DHX57: variants seen among roughly 807,000 people sequenced by gnomAD.
DHX57 encodes putative ATP-dependent RNA helicase DHX57.
In DHX57, 105 loss-of-function variants were observed where a neutral mutation model predicts 156.2. The ratio of observed to expected loss-of-function variants is 0.67; its 90% CI spans 0.57 to 0.79. The LOEUF (loss-of-function observed/expected upper bound fraction) is 0.79. Among genes scored for constraint, DHX57 ranks in the 30% least tolerant of loss-of-function variants. DHX57 has a pLI of 0.00. For missense variants in DHX57, 1,847 were observed against 1,661.9 expected, an observed-to-expected ratio of 1.11 and a Z score of -1.94; for synonymous variants, 704 against 595.6, an observed-to-expected ratio of 1.18 and a Z score of -2.65.
intron 22 of DHX57, among the ~76,000 whole-genome samples, chr2:38,805,385 A>C (rs1199633480): frequency 6.6e-6 from 1 of 152,210 alleles, no homozygotes; most frequent in Non-Finnish European, 1.5e-5. Flanking sequence ...AGTGTGTGGT[A>C]CACTCTGGAT....
intron 2 of DHX57, among the ~76,000 whole-genome samples, chr2:38,864,953 G>A (rs1314532388): frequency 6.6e-6 from 1 of 152,090 alleles, no homozygotes; most frequent in African/African-American, 2.4e-5. Context: ...CCTACCAGAA[G>A]CATTTTTCCA....
intron 13 of DHX57, among the ~76,000 whole-genome samples, chr2:38,830,663 C>T (rs1251623495): frequency 1.3e-5 from 2 of 151,864 alleles, no homozygotes; most frequent in South Asian, 2.1e-4. Context: ...ACTAGTACCC[C>T]TACTAGTGAC....
chr2:38,868,261 C>T lies in DHX57; in HGVS notation c.145G>A (p.Gly49Ser), dbSNP rs61757604. 20,546 of 1,613,988 alleles carry T rather than the reference C, an allele frequency of 0.013. 176 individuals are homozygous for T. The highest frequency in any genetic ancestry group is 0.019 in the South Asian group (1,765 of 91,076). ...GGGGGGGGGG[G>S]NRKASSRIWD... ...ATTCTACTGGAGGCCTTTCTGTTGC[C>T]GCCACCTCCACCACCACCACCACCG... The change falls in exon 2 of 24, where the codon GGC (glycine) becomes AGC (serine). Residue 49 changes from glycine (G) to serine (S), a missense_variant. By Grantham distance (56) the Gly-to-Ser change is moderately conservative. Coordinates refer to ENST00000457308, the MANE Select transcript of DHX57 (RefSeq NM_198963.3).
intron 21 of DHX57, chr2:38,810,443 A>C (rs1203539667): frequency 1.9e-6 from 1 of 530,832 alleles, no homozygotes; most frequent in Non-Finnish European, 3.7e-6. Context: ...TCTATTTGGC[A>C]GTGACCTTGC....
intron 21 of DHX57, chr2:38,810,729 T>C: frequency 1.2e-6 from 1 of 816,000 alleles, no homozygotes; most frequent in Admixed American, 1.7e-5. Flanking sequence ...ACTCAGCAAA[T>C]TTCAAGCCCA....
At chr2:38,836,973 C>G (rs1671704767) in intron 13 of DHX57, among the ~76,000 whole-genome samples, 1 of 151,974 alleles carries the variant, frequency 6.6e-6, no homozygotes, top group Admixed American at 6.6e-5. Context: ...CCACTCCAAC[C>G]CCTTGCTGGG....
chr2:38,806,510 C>A, intron 22 of DHX57, 49 bp downstream of exon 22: 1 of 1,594,498 alleles, frequency 6.3e-7, no homozygotes, highest in Non-Finnish European at 8.6e-7. Context: ...AATTGCATTT[C>A]CTACCCCAGG....
In DHX57 at chr2:38,819,097, T is replaced by C. The variant is rs376142924; in HGVS notation, c.3339A>G (p.Glu1113=). The C allele has an allele frequency of 1.4e-5, 22 of 1,614,114 alleles. No homozygotes were observed. The African/African-American group carries it at 2.9e-4, about 22-fold the overall frequency. Residue 1113 remains glutamate (E), a synonymous_variant, in exon 18 of 24, where the codon GAA becomes GAG. Transcript: ENST00000457308. ...GATAATCACTGTTTGCGAATGCAAA[T>C]TCCAGCTTTTTCTGGTTAGCTTCTT... ...KKEEANQKKL[E]FAFANSDYLA...
chr2:38,857,414 G>A (rs1489560346), intron 6 of DHX57, among the ~76,000 whole-genome samples: 2 of 152,122 alleles, frequency 1.3e-5, no homozygotes, highest in African/African-American at 2.4e-5. Context: ...TTTGAATACT[G>A]TAATAAATTT....
chr2:38,863,469 G>C lies in DHX57; in HGVS notation c.275C>G (p.Pro92Arg). The change falls in exon 3 of 24, where the codon CCC (proline) becomes CGC (arginine). Residue 92 changes from proline (P) to arginine (R), a missense_variant. By Grantham distance (103) the Pro-to-Arg change is moderately radical. Transcript: ENST00000457308. Reference sequence around the variant, plus strand: ...AGTCTGAAGGGGTACTTTGGCTTTGGGTTTCCATTTTGGGCGTGACTCTCC... The same window carrying C: ...AGTCTGAAGGGGTACTTTGGCTTTGCGTTTCCATTTTGGGCGTGACTCTCC... ...SKGESRPKWK[P>R]KAKVPLQTLH... is the part of the protein sequence containing the mutation. 1 of 1,613,886 alleles carries C rather than the reference G, an allele frequency of 6.2e-7. No individual in the cohort carries two copies. The highest frequency in any genetic ancestry group is 8.5e-7 in the Non-Finnish European group (1 of 1,179,974).
intron 14 of DHX57, among the ~76,000 whole-genome samples, chr2:38,827,503 A>AT (rs1342668875): frequency 1.1e-3 from 21 of 18,538 alleles, no homozygotes; most frequent in South Asian, 8.5e-3. Context: ...AAAAAAAAAA[A>AT]AAATATATAT....
intron 2 of DHX57, among the ~76,000 whole-genome samples, chr2:38,864,813 T>C (rs1484243045): frequency 6.6e-6 from 1 of 152,168 alleles, no homozygotes; most frequent in Non-Finnish European, 1.5e-5. Flanking sequence ...CTGTCTCCAT[T>C]TTCTTTCCTC....
In DHX57 at chr2:38,863,343, T is replaced by A. The variant is rs764364380; in HGVS notation, c.383+18A>T. ...TGTTTTCCTTAATATAATAATTGAC[T>A]CAAATAAAACAATTTACTCAGATCC... is the stretch of plus-strand genomic sequence containing the variant. On this transcript the variant is annotated intron_variant, in intron 3 of 23. Transcript: ENST00000457308. 4 of 1,600,788 alleles carry A rather than the reference T, an allele frequency of 2.5e-6. No individual in the cohort carries two copies. The highest frequency in any genetic ancestry group is 1.7e-4 in the Middle Eastern group (1 of 5,960).
At chr2:38,812,860 G>GTTTGTTTGTTTC in intron 21 of DHX57, among the ~76,000 whole-genome samples, 1 of 150,914 alleles carries the variant, frequency 6.6e-6, no homozygotes, top group Admixed American at 6.6e-5. Context: ...TTGTTTGTTT[G>GTTTGTTTGTTTC]TTTTTGAGAC....
intron 9 of DHX57, 40 bp downstream of exon 9, chr2:38,854,014 T>A (rs771680837): frequency 1.3e-6 from 2 of 1,561,006 alleles, no homozygotes; most frequent in Admixed American, 3.8e-5. Context: ...TGCCTTCAAT[T>A]CAGGTGAGTG....
At chr2:38,835,008 A>G (rs1386947422) in intron 13 of DHX57, among the ~76,000 whole-genome samples, 13 of 152,210 alleles carry the variant, frequency 8.5e-5, no homozygotes, top group Admixed American at 8.5e-4. Flanking sequence ...AAGCTGGGAA[A>G]TTTAATGCCA....
At chr2:38,849,542 T>C (rs1444935838) in intron 9 of DHX57, among the ~76,000 whole-genome samples, 2 of 36,196 alleles carry the variant, frequency 5.5e-5, no homozygotes, top group Non-Finnish European at 9.8e-5. Context: ...CAAGACCCCA[T>C]CTCTTAAAAA....
Position 38,815,255 on chromosome 2 carries a change from G to A in DHX57, c.3606+266C>T, listed in dbSNP as rs185637101. Reference sequence around the variant, plus strand: ...GCTAATTTTTTTGTAGAGAGATGAGGGATTTCACCATGTTGCTCTGGCTGG... The same window carrying A: ...GCTAATTTTTTTGTAGAGAGATGAGAGATTTCACCATGTTGCTCTGGCTGG... On this transcript the variant is annotated intron_variant, in intron 20 of 23. Transcript: ENST00000457308. 4.6e-5 allele frequency among the ~76,000 whole-genome samples: 7 copies of A among 151,562 alleles called. No homozygotes were observed. In the East Asian group the frequency reaches 1.4e-3, roughly 30 times the overall value.
chr2:38,861,536 C>G lies in DHX57; in HGVS notation c.874G>C (p.Glu292Gln). The change falls in exon 5 of 24, where the codon GAA (glutamate) becomes CAA (glutamine). Residue 292 changes from glutamate to glutamine, a missense_variant. Glu to Gln is a conservative substitution (Grantham distance 29). Transcript: ENST00000457308. ...TTCTCTTGTACATTTTTGGTACTTT[C>G]TTTTGGCTTGGATTTGCGGAATCTA... The part of the protein sequence containing the change: ...TSRFRKSKPK[E>Q]STKNVQENSL... The G allele has an allele frequency of 6.2e-7, 1 of 1,614,108 alleles. No individual in the cohort carries two copies. The highest frequency in any genetic ancestry group is 8.5e-7 in the Non-Finnish European group (1 of 1,180,006).
Sources: allele counts gnomAD v4.1 joint callset (sites outside exome capture counted in the v4.1 genomes callset), GRCh38; gene constraint gnomAD v4.1.1; transcripts MANE v1.5; gene names NCBI Gene and HGNC (gene_info 2026-07-23, HGNC 2026-07-21).